Variants in AGBL1 observed in about 807,000 individuals in gnomAD.
The protein encoded by AGBL1 is cytosolic carboxypeptidase 4.
In AGBL1, 130 loss-of-function variants were observed where a neutral mutation model predicts 118.9. That is an observed-to-expected ratio of 1.09 (90% CI 0.95 to 1.26). The LOEUF (loss-of-function observed/expected upper bound fraction) is 1.26. Among genes scored for constraint, AGBL1 ranks in the 50% most tolerant of loss-of-function variants. The pLI, the probability that AGBL1 is intolerant of heterozygous loss-of-function variation, is 0.00. For synonymous variants in AGBL1, 555 were observed against 478.9 expected, an observed-to-expected ratio of 1.16 and a Z score of -2.08; for missense variants, 1,584 against 1,298.1, an observed-to-expected ratio of 1.22 and a Z score of -3.38.
At chr15:86,722,882 A>T (rs891360999) in intron 22 of AGBL1, among the ~76,000 whole-genome samples, 1 of 152,216 alleles carries the variant, frequency 6.6e-6, no homozygotes, top group African/African-American at 2.4e-5. Context: ...ACATTTATGC[A>T]GCCAAAAGAC....
chr15:87,028,860 G>T, exon 25 of AGBL1: 7 of 1,599,642 alleles, frequency 4.4e-6, no homozygotes, highest in Non-Finnish European at 6.0e-6. Context: ...CTTCAAATGA[G>T]CAAGTATTGA....
At chr15:86,120,538 G>C (rs1898032325) in intron 1 of AGBL1, among the ~76,000 whole-genome samples, 1 of 152,170 alleles carries the variant, frequency 6.6e-6, no homozygotes, top group Non-Finnish European at 1.5e-5. Flanking sequence ...AAGAGCACAA[G>C]GTGCATGGGT....
chr15:86,362,447 C>G (rs1157589721), intron 17 of AGBL1, among the ~76,000 whole-genome samples: 1 of 152,126 alleles, frequency 6.6e-6, no homozygotes, highest in East Asian at 1.9e-4. Flanking sequence ...TGTTTCAACT[C>G]AAAGGACTCA....
chr15:86,372,336 C>T (rs1353109179), intron 17 of AGBL1, among the ~76,000 whole-genome samples: 1 of 151,244 alleles, frequency 6.6e-6, no homozygotes, highest in Non-Finnish European at 1.5e-5. Context: ...TCCCATTCAT[C>T]CTACTCATCA....
chr15:86,215,747 A>G (rs2078177603), intron 5 of AGBL1, among the ~76,000 whole-genome samples: 1 of 152,220 alleles, frequency 6.6e-6, no homozygotes, highest in Non-Finnish European at 1.5e-5. Flanking sequence ...CTGTCAAGAA[A>G]TCCCATCAGT....
At position 86,396,243 on chromosome 15, in the gene AGBL1, GTATA is replaced by G. The variant is rs3050890; in HGVS notation, c.2375-1106_2375-1103del. Among the ~76,000 whole-genome samples, 999 of 126,554 alleles carry G rather than the reference GTATA, an allele frequency of 7.9e-3. 13 individuals are homozygous for G. The highest frequency in any genetic ancestry group is 0.028 in the African/African-American group (905 of 32,394). The allele number at this position is 126,554 out of a possible 152,430, so 83.0% of individuals were successfully genotyped here. On this transcript the variant is annotated intron_variant, in intron 17 of 22. Transcript: ENST00000614907. The stretch of plus-strand genomic sequence containing the variant: ...TATATATATGTGTGTGTGTGTGTGT[GTATA>G]TATATATATATATATACACACACAC...
At chr15:86,081,514 C>T (rs1895284181) in intron 1 of AGBL1, among the ~76,000 whole-genome samples, 1 of 152,170 alleles carries the variant, frequency 6.6e-6, no homozygotes, top group Non-Finnish European at 1.5e-5. Context: ...GACTTGGCGT[C>T]CTTTGACTCA....
At chr15:86,557,199 G>C (rs1444908829) in intron 21 of AGBL1, among the ~76,000 whole-genome samples, 1 of 152,130 alleles carries the variant, frequency 6.6e-6, no homozygotes, top group Non-Finnish European at 1.5e-5. Flanking sequence ...TTACCTATTA[G>C]GGATGGGCCC....
chr15:86,858,026 C>T (rs2079507459), intron 22 of AGBL1, among the ~76,000 whole-genome samples: 1 of 152,158 alleles, frequency 6.6e-6, no homozygotes, highest in Non-Finnish European at 1.5e-5. Flanking sequence ...TCTAGTTTCT[C>T]TTCTTCACTC....
At chr15:86,840,301 T>C (rs2079227201) in intron 22 of AGBL1, among the ~76,000 whole-genome samples, 1 of 152,168 alleles carries the variant, frequency 6.6e-6, no homozygotes, top group South Asian at 2.1e-4. Flanking sequence ...CTCTCTTCAG[T>C]GGTAGAGGTA....
intron 24 of AGBL1, among the ~76,000 whole-genome samples, chr15:86,998,922 T>C (rs1449329107): frequency 6.6e-6 from 1 of 151,332 alleles, no homozygotes; most frequent in African/African-American, 2.4e-5. Flanking sequence ...TGCAGGTTTG[T>C]TACATATGTA....
At chr15:86,253,529 G>A (rs1282389599) in intron 7 of AGBL1, among the ~76,000 whole-genome samples, 4 of 152,182 alleles carry the variant, frequency 2.6e-5, no homozygotes, top group African/African-American at 4.8e-5. Flanking sequence ...GATTACAGGC[G>A]TGAGGCACCA....
intron 22 of AGBL1, among the ~76,000 whole-genome samples, chr15:86,802,110 G>A (rs145254565): frequency 6.6e-6 from 1 of 152,218 alleles, no homozygotes; most frequent in East Asian, 1.9e-4. Context: ...GCTATACAGG[G>A]AGACTAAGTT....
chr15:86,819,325 A>T (rs570181789), intron 22 of AGBL1, among the ~76,000 whole-genome samples: 2 of 152,148 alleles, frequency 1.3e-5, no homozygotes, highest in African/African-American at 4.8e-5. Context: ...CAGTGGTTCT[A>T]TTAAGTGATT....
At chr15:86,165,952 A>G (rs551878245) in intron 5 of AGBL1, among the ~76,000 whole-genome samples, 1 of 152,270 alleles carries the variant, frequency 6.6e-6, no homozygotes, top group East Asian at 1.9e-4. Context: ...TGGCAACTAG[A>G]GTTATAGGGT....
At chr15:86,535,783 A>G (rs965832421) in intron 19 of AGBL1, among the ~76,000 whole-genome samples, 3 of 152,178 alleles carry the variant, frequency 2.0e-5, no homozygotes, top group Non-Finnish European at 4.4e-5. Flanking sequence ...ACAAAAGGAG[A>G]TGAAAAAAAG....
intron 17 of AGBL1, among the ~76,000 whole-genome samples, chr15:86,305,588 A>T (rs2079826456): frequency 6.6e-6 from 1 of 152,218 alleles, no homozygotes; most frequent in Non-Finnish European, 1.5e-5. Flanking sequence ...TCAACATGTC[A>T]TCCTTGTCTA....
intron 17 of AGBL1, among the ~76,000 whole-genome samples, chr15:86,298,355 T>TA (rs2079691334): frequency 8.7e-6 from 1 of 114,936 alleles, no homozygotes; most frequent in Non-Finnish European, 1.8e-5. Context: ...TATGAATATA[T>TA]TCTTATATAT....
intron 18 of AGBL1, among the ~76,000 whole-genome samples, chr15:86,419,481 T>C (rs1447743669): frequency 6.6e-6 from 1 of 152,106 alleles, no homozygotes; most frequent in East Asian, 1.9e-4. Flanking sequence ...GGAGAATCCC[T>C]TGGGTGCCTA....
Sources: allele counts gnomAD v4.1 joint callset (sites outside exome capture counted in the v4.1 genomes callset), GRCh38; gene constraint gnomAD v4.1.1; transcripts MANE v1.5; gene names NCBI Gene and HGNC (gene_info 2026-07-23, HGNC 2026-07-21).